The following TOX3 variants were observed in gnomAD, a reference collection of about 807,000 sequenced individuals.
TOX3 encodes TOX high mobility group box family member 3.
TOX3 carries 22 observed loss-of-function variants against 64.3 expected under a neutral mutation model. The observed-to-expected ratio is 0.34, with a 90% CI of 0.24 to 0.49. TOX3 has a LOEUF of 0.49. Among genes scored for constraint, TOX3 ranks in the 20% least tolerant of loss-of-function variants. The pLI is 0.99. For synonymous variants in TOX3, 291 were observed against 273.6 expected, an observed-to-expected ratio of 1.06 and a Z score of -0.63; for missense variants, 661 against 714.4, an observed-to-expected ratio of 0.93 and a Z score of 0.85.
At chr16:52,514,709 G>T (rs2151474412) in intron 1 of TOX3, among the ~76,000 whole-genome samples, 1 of 152,146 alleles carries the variant, frequency 6.6e-6, no homozygotes, top group Non-Finnish European at 1.5e-5. Context: ...GAATATAACA[G>T]CTAACTATAA....
intron 1 of TOX3, among the ~76,000 whole-genome samples, chr16:52,498,068 C>A (rs1961895167): frequency 6.6e-6 from 1 of 152,100 alleles, no homozygotes; most frequent in Non-Finnish European, 1.5e-5. Context: ...AATTATGTGA[C>A]CAAATCACAA....
intron 1 of TOX3, among the ~76,000 whole-genome samples, chr16:52,502,050 C>T (rs959488200): frequency 1.3e-5 from 2 of 152,208 alleles, no homozygotes; most frequent in African/African-American, 4.8e-5. Flanking sequence ...CGCGATTTCC[C>T]AGGTGGCTTA....
chr16:52,516,808 T>C (rs868518379), intron 1 of TOX3, among the ~76,000 whole-genome samples: 48 of 152,198 alleles, frequency 3.2e-4, no homozygotes, highest in African/African-American at 1.2e-3. Flanking sequence ...ATGGAAATGT[T>C]CTATATTTAT....
chr16:52,490,340 T>C (rs886412684), intron 1 of TOX3, among the ~76,000 whole-genome samples: 7 of 152,120 alleles, frequency 4.6e-5, no homozygotes, highest in African/African-American at 1.7e-4. Flanking sequence ...GAACTGTGAG[T>C]CAATTAAACC....
At chr16:52,510,144 T>TAA (rs35701412) in intron 1 of TOX3, among the ~76,000 whole-genome samples, 208 of 138,636 alleles carry the variant, frequency 1.5e-3, no homozygotes, top group Middle Eastern at 3.8e-3. Flanking sequence ...GCCTTGCTGT[T>TAA]AAAAAAAAAA....
chr16:52,450,416 G>T lies in TOX3; in HGVS notation c.539C>A (p.Ser180Tyr), dbSNP rs766278719. The change falls in exon 4 of 7, where the codon TCT becomes TAT. Residue 180 changes from serine (S) to tyrosine (Y), a missense_variant. Physicochemically the swap from Ser to Tyr is moderately radical, Grantham distance 144. Around this residue, in one of 3 missense-constraint regions of TOX3, gnomAD observed 259 missense variants for 261.2 expected, o/e 0.99. Transcript: ENST00000219746. ...PPAQLTTINQ[S>Y]QLSAQLGLNL... is the part of the protein sequence containing the mutation. ...CAACCCCAACTGGGCGCTGAGCTGAGACTGGTTGATGGTGGTGAGCTGGGC... is the reference window on the plus strand; with the variant it reads ...CAACCCCAACTGGGCGCTGAGCTGATACTGGTTGATGGTGGTGAGCTGGGC... 6.2e-7 allele frequency: 1 copy of T among 1,614,032 alleles called. No individual in the cohort carries two copies. Among genetic ancestry groups the T allele is most frequent in the South Asian group, 1.1e-5 (1 of 91,088 alleles).
chr16:52,465,879 A>C (rs1960850068), intron 2 of TOX3, among the ~76,000 whole-genome samples: 1 of 152,322 alleles, frequency 6.6e-6, no homozygotes, highest in Middle Eastern at 3.4e-3. Flanking sequence ...ACATCGTAGC[A>C]GAATAATACA....
chr16:52,499,436 AAAAT>A (rs1439895329), intron 1 of TOX3, among the ~76,000 whole-genome samples: 3 of 152,234 alleles, frequency 2.0e-5, no homozygotes, highest in Admixed American at 2.0e-4. Context: ...ACTGATTCAT[AAAAT>A]AAATACAAGA....
intron 1 of TOX3, among the ~76,000 whole-genome samples, chr16:52,506,670 C>T (rs1962169592): frequency 6.6e-6 from 1 of 152,056 alleles, no homozygotes; most frequent in Admixed American, 6.5e-5. Flanking sequence ...TTAGAGGCTA[C>T]AGGAAGGGTG....
At chr16:52,477,670 G>A (rs1220580505) in intron 1 of TOX3, among the ~76,000 whole-genome samples, 1 of 151,988 alleles carries the variant, frequency 6.6e-6, no homozygotes, top group African/African-American at 2.4e-5. Context: ...ACTTGCTAGG[G>A]GTCATTGTGT....
intron 1 of TOX3, among the ~76,000 whole-genome samples, chr16:52,512,931 A>C (rs1392185338): frequency 6.6e-6 from 1 of 152,242 alleles, no homozygotes; most frequent in African/African-American, 2.4e-5. Context: ...TGAGTAACGT[A>C]AGCGAAAACA....
In TOX3 at chr16:52,485,246, G is replaced by GTATATATATATATA. The variant is rs34195222; in HGVS notation, c.88-16686_88-16673dup. The stretch of plus-strand genomic sequence containing the variant: ...CATGTGTGTGTGTGTATGTGTGTGT[G>GTATATATATATATA]TATATATATATATATATATATATAT... On this transcript the variant is annotated intron_variant, in intron 1 of 6. Transcript: ENST00000219746. Among the ~76,000 whole-genome samples, 265 of 127,828 alleles carry GTATATATATATATA rather than the reference G, an allele frequency of 2.1e-3. 1 individual carries two copies. Among genetic ancestry groups the GTATATATATATATA allele is most frequent in the African/African-American group, 7.4e-3 (221 of 29,764 alleles). 83.9% of individuals were successfully genotyped at this position (127,828 alleles called of 152,430 possible).
intron 1 of TOX3, among the ~76,000 whole-genome samples, chr16:52,518,496 C>A (rs540993919): frequency 1.3e-5 from 2 of 152,100 alleles, no homozygotes; most frequent in Non-Finnish European, 1.5e-5. Flanking sequence ...GAGATTAATG[C>A]GTTCAAAGCC....
At chr16:52,452,693 A>AG (rs398119380) in intron 3 of TOX3, among the ~76,000 whole-genome samples, 5 of 151,918 alleles carry the variant, frequency 3.3e-5, no homozygotes, top group Non-Finnish European at 7.4e-5. Context: ...AATAAAAAAA[A>AG]GAAATGGAAA....
Position 52,455,301 on chromosome 16 carries a change from G to C in TOX3, c.409-4755C>G, listed in dbSNP as rs545865563. ...GGGTCTGGATGATCCTTTGTTGGGG[G>C]AGGGGCATTCTGTACATTATAGAAT... On this transcript the variant is annotated intron_variant, in intron 3 of 6. Coordinates refer to ENST00000219746, the MANE Select transcript of TOX3 (RefSeq NM_001080430.4). Among the ~76,000 whole-genome samples the C allele has an allele frequency of 2.8e-3, 433 of 152,146 alleles. 6 individuals carry two copies. Among genetic ancestry groups the C allele is most frequent in the South Asian group, 0.027 (129 of 4,818 alleles).
intron 1 of TOX3, among the ~76,000 whole-genome samples, chr16:52,528,574 T>A (rs939041553): frequency 1.3e-5 from 2 of 152,106 alleles, no homozygotes; most frequent in African/African-American, 4.8e-5. Context: ...CCTCTCTCTC[T>A]CGCACCGTGC....
intron 3 of TOX3, among the ~76,000 whole-genome samples, chr16:52,458,639 G>A (rs1960599895): frequency 6.6e-6 from 1 of 152,106 alleles, no homozygotes; most frequent in South Asian, 2.1e-4. Flanking sequence ...ACTGCACAAG[G>A]TCTAATTAGG....
At chr16:52,543,200 C>A (rs1596874132) in intron 1 of TOX3, among the ~76,000 whole-genome samples, 1 of 152,166 alleles carries the variant, frequency 6.6e-6, no homozygotes, top group Non-Finnish European at 1.5e-5. Context: ...ATTCTGACAA[C>A]TACAGGTTGA....
At chr16:52,468,425 GA>G in intron 2 of TOX3, 83 bp downstream of exon 2, 1 of 1,235,394 alleles carries the variant, frequency 8.1e-7, no homozygotes. Context: ...AGATAAATTT[GA>G]TACTTTGTTT....
Sources: allele counts gnomAD v4.1 joint callset (sites outside exome capture counted in the v4.1 genomes callset), GRCh38; gene constraint gnomAD v4.1.1; regional missense constraint gnomAD v4.1.1; transcripts MANE v1.5; gene names NCBI Gene and HGNC (gene_info 2026-07-23, HGNC 2026-07-21).